Variants in CENPK observed in about 807,000 individuals in gnomAD.
The protein encoded by CENPK is centromere protein K.
CENPK carries 46 observed loss-of-function variants against 40.9 expected under a neutral mutation model. The observed-to-expected ratio is 1.13, with a 90% CI of 0.89 to 1.44. The LOEUF is 1.44. Ranked by LOEUF, CENPK falls within the 40% of genes most tolerant of loss-of-function variation. The probability of loss-of-function intolerance (pLI) is 0.00; values close to 1 mark genes in which losing one functional copy is unlikely to be tolerated. For missense variants in CENPK, 288 were observed against 303.5 expected, an observed-to-expected ratio of 0.95 and a Z score of 0.38; for synonymous variants, 107 against 104.4, an observed-to-expected ratio of 1.02 and a Z score of -0.15.
chr5:65,530,493 AG>A (rs1468809007), intron 6 of CENPK, among the ~76,000 whole-genome samples: 1 of 152,224 alleles, frequency 6.6e-6, no homozygotes, highest in East Asian at 1.9e-4. Context: ...ACAAAGGCCA[AG>A]GGGCAGAAGT....
chr5:65,502,738 C>T, the CENPK span, among the ~76,000 whole-genome samples: 1 of 152,048 alleles, frequency 6.6e-6, no homozygotes, highest in Non-Finnish European at 1.5e-5. Context: ...ACTGGGATTA[C>T]AGGCGTCACC....
At position 65,531,914 on chromosome 5, in the gene CENPK, T is replaced by C. The variant is rs576935080; in HGVS notation, c.289-2715A>G. 4.5e-4 allele frequency among the ~76,000 whole-genome samples: 69 copies of C among 151,808 alleles called. No individual in the cohort carries two copies. In the Middle Eastern group the frequency reaches 0.014, roughly 30 times the overall value. Reference sequence around the variant, plus strand: ...CCACAGTAAGTTGAGGAAATAATAATAACAACAAAGAAGTTAAATCAGTAC... The same window carrying C: ...CCACAGTAAGTTGAGGAAATAATAACAACAACAAAGAAGTTAAATCAGTAC... On this transcript the variant is annotated intron_variant, in intron 6 of 10. Transcript: ENST00000396679.
the CENPK span, among the ~76,000 whole-genome samples, chr5:65,502,976 T>G: frequency 6.6e-6 from 1 of 151,892 alleles, no homozygotes; most frequent in Non-Finnish European, 1.5e-5. Context: ...TTTTTGTATT[T>G]TTAGTAGAGA....
In CENPK at chr5:65,552,478, G is replaced by T; in HGVS notation, c.168+15C>A. 1 of 1,486,392 alleles carries T rather than the reference G, an allele frequency of 6.7e-7. No individual in the cohort carries two copies. The allele number at this position is 1,486,392 out of a possible 1,614,324, so 92.1% of individuals were successfully genotyped here. ...CCACTTACCTTGTATTTTTTAGGAAGAAAAAGATTCATACCTGAGCATTTG... is the reference window on the plus strand; with the variant it reads ...CCACTTACCTTGTATTTTTTAGGAATAAAAAGATTCATACCTGAGCATTTG... On this transcript the variant is annotated intron_variant, in intron 4 of 10. Coordinates refer to ENST00000396679, the MANE Select transcript of CENPK (RefSeq NM_022145.5).
chr5:65,548,697 A>G (rs562424531), intron 5 of CENPK, among the ~76,000 whole-genome samples: 15 of 152,294 alleles, frequency 9.8e-5, no homozygotes, highest in Admixed American at 5.9e-4. Flanking sequence ...CTTCACTGGG[A>G]GTAGATTCCA....
chr5:65,516,534 A>ATAAT (rs1742868212), downstream of CENPK, among the ~76,000 whole-genome samples: 1 of 152,248 alleles, frequency 6.6e-6, no homozygotes, highest in African/African-American at 2.4e-5. Context: ...ATGGAAGAGA[A>ATAAT]TAATCATAAC....
chr5:65,502,201 C>G, the CENPK span, among the ~76,000 whole-genome samples: 85 of 152,280 alleles, frequency 5.6e-4, no homozygotes, highest in African/African-American at 2.0e-3. Flanking sequence ...TTCTGTCTTA[C>G]TGTGTTGCCT....
At chr5:65,504,083 ACAGT>A in the CENPK span, among the ~76,000 whole-genome samples, 3 of 152,114 alleles carry the variant, frequency 2.0e-5, no homozygotes, top group Non-Finnish European at 4.4e-5. Flanking sequence ...ATCATGTTCC[ACAGT>A]CAAAGAACAA....
intron 10 of CENPK, among the ~76,000 whole-genome samples, chr5:65,520,765 T>C (rs1561614083): frequency 6.6e-6 from 1 of 152,224 alleles, no homozygotes; most frequent in Non-Finnish European, 1.5e-5. Context: ...CTTCAAAATA[T>C]ACCAATGATT....
At chr5:65,518,805 G>GA (rs1743179454) in intron 10 of CENPK, among the ~76,000 whole-genome samples, 172 bp from the exon 11 acceptor site, 1 of 151,930 alleles carries the variant, frequency 6.6e-6, no homozygotes, top group African/African-American at 2.4e-5. Context: ...ATTAGCTAAT[G>GA]AAAAAAGCTT....
chr5:65,502,751 C>T, the CENPK span, among the ~76,000 whole-genome samples: 1 of 152,010 alleles, frequency 6.6e-6, no homozygotes, highest in Non-Finnish European at 1.5e-5. Context: ...GCGTCACCTA[C>T]TGTGCCTGGG....
chr5:65,559,840 G>A (rs1341067350), intron 2 of CENPK, among the ~76,000 whole-genome samples: 2 of 151,984 alleles, frequency 1.3e-5, no homozygotes, highest in South Asian at 2.1e-4. Flanking sequence ...ACACATGACA[G>A]AGATGACAAG....
chr5:65,522,973 A>G (rs1744051399), intron 9 of CENPK, among the ~76,000 whole-genome samples: 1 of 152,212 alleles, frequency 6.6e-6, no homozygotes, highest in Non-Finnish European at 1.5e-5. Flanking sequence ...GACTTCTGAG[A>G]ATACTATCAT....
intron 2 of CENPK, chr5:65,555,394 GTGTGATTACAGCAGA>G (rs1750805264): frequency 6.5e-6 from 1 of 154,318 alleles, no homozygotes; most frequent in Non-Finnish European, 1.4e-5. Context: ...GAAGGAGCTG[GTGTGATTACAGCAGA>G]TTAAGTAAGA....
intron 3 of CENPK, among the ~76,000 whole-genome samples, chr5:65,552,951 A>G (rs1235581560): frequency 6.6e-6 from 1 of 152,156 alleles, no homozygotes; most frequent in Non-Finnish European, 1.5e-5. Context: ...TTTCTGTGCC[A>G]TTAAAAAAGT....
At position 65,518,472 on chromosome 5, in the gene CENPK, CTT is replaced by C; in HGVS notation, c.*1_*2del. On this transcript the variant is annotated 3_prime_UTR_variant, in exon 11 of 11. Coordinates refer to ENST00000396679, the MANE Select transcript of CENPK (RefSeq NM_022145.5). ...TTACTGTGTGAAAAAAGAAAACATC[CTT>C]TTACTGATGGAAAGCTTCTAATCTT... is the stretch of plus-strand genomic sequence containing the variant. 6.2e-7 allele frequency: 1 copy of C among 1,607,468 alleles called. No homozygotes were observed. Among genetic ancestry groups the C allele is most frequent in the Non-Finnish European group, 8.5e-7 (1 of 1,178,418 alleles).
chr5:65,562,817 A>T (rs1190695073), intron 1 of CENPK: 1 of 153,068 alleles, frequency 6.5e-6, no homozygotes, highest in Admixed American at 6.5e-5. Context: ...TTCTTCAGAG[A>T]GTGTGTGAGA....
intron 6 of CENPK, among the ~76,000 whole-genome samples, chr5:65,538,869 T>C (rs1215029989): frequency 6.6e-6 from 1 of 152,326 alleles, no homozygotes; most frequent in African/African-American, 2.4e-5. Flanking sequence ...GATTTAACCA[T>C]CTATATTCTG....
chr5:65,516,885 C>T (rs748246534), downstream of CENPK, among the ~76,000 whole-genome samples: 2 of 152,076 alleles, frequency 1.3e-5, no homozygotes, highest in Admixed American at 6.6e-5. Flanking sequence ...TATTGACATA[C>T]CCCATATAAA....
Sources: gnomAD v4.1 joint callset for allele counts (sites outside exome capture counted in the v4.1 genomes callset) on GRCh38, gnomAD v4.1.1 for gene constraint, MANE v1.5 for transcripts, NCBI Gene and HGNC (gene_info 2026-07-23, HGNC 2026-07-21) for gene names.